The following ASTN2 variants were observed in gnomAD, a reference collection of about 807,000 sequenced individuals.
ASTN2 encodes astrotactin-2.
Under a neutral mutation model 139.8 loss-of-function variants are expected in ASTN2, and 54 were observed. That is an observed-to-expected ratio of 0.39 (90% CI 0.31 to 0.48). ASTN2 has a LOEUF of 0.48. ASTN2 is among the 20% of genes least tolerant of loss of function. The pLI, the probability that ASTN2 is intolerant of heterozygous loss-of-function variation, is 0.95. For synonymous variants in ASTN2, 756 were observed against 719.5 expected (o/e 1.05, Z -0.81); for missense variants, 1,565 against 1,725.1 (o/e 0.91, Z 1.64).
chr9:117,015,883 C>G (rs1837659163), intron 6 of ASTN2, among the ~76,000 whole-genome samples: 1 of 152,032 alleles, frequency 6.6e-6, no homozygotes, highest in East Asian at 1.9e-4. Context: ...TCTAATTTTA[C>G]AGACTATCAG....
intron 6 of ASTN2, among the ~76,000 whole-genome samples, chr9:117,010,259 C>G (rs1023377016): frequency 1.3e-5 from 2 of 152,056 alleles, no homozygotes; most frequent in African/African-American, 4.8e-5. Context: ...ATATTTCCCC[C>G]CTGGAAATAA....
intron 22 of ASTN2, among the ~76,000 whole-genome samples, chr9:116,429,841 C>G (rs1241245951): frequency 6.6e-6 from 1 of 152,154 alleles, no homozygotes; most frequent in African/African-American, 2.4e-5. Flanking sequence ...AAGATGGACA[C>G]CAGTCATCAG....
chr9:116,683,028 AT>A (rs369220393), intron 16 of ASTN2, among the ~76,000 whole-genome samples: 4 of 11,512 alleles, frequency 3.5e-4, no homozygotes, highest in East Asian at 2.9e-3. Flanking sequence ...AAGTATAATA[AT>A]AATAAAATAA....
intron 3 of ASTN2, among the ~76,000 whole-genome samples, chr9:117,178,664 G>A (rs905280588): frequency 6.6e-6 from 1 of 152,188 alleles, no homozygotes; most frequent in Admixed American, 6.5e-5. Context: ...TGGAATTCTG[G>A]CCTGCCTATC....
chr9:117,076,259 T>C (rs1486402588), intron 5 of ASTN2, among the ~76,000 whole-genome samples: 3 of 152,116 alleles, frequency 2.0e-5, no homozygotes, highest in South Asian at 2.1e-4. Flanking sequence ...GAACAAGATG[T>C]CACTGTTGAG....
chr9:116,608,276 CTGAT>C (rs1855318118), intron 19 of ASTN2, among the ~76,000 whole-genome samples: 1 of 152,132 alleles, frequency 6.6e-6, no homozygotes, highest in South Asian at 2.1e-4. Context: ...CATCAGAGTA[CTGAT>C]TGATGTATGT....
At chr9:116,757,650 A>G (rs1300386640) in intron 13 of ASTN2, among the ~76,000 whole-genome samples, 3 of 152,134 alleles carry the variant, frequency 2.0e-5, no homozygotes, top group African/African-American at 4.8e-5. Flanking sequence ...TGTAGGGCTC[A>G]TCGTCTTATT....
At chr9:116,610,061 A>T (rs924912923) in intron 19 of ASTN2, among the ~76,000 whole-genome samples, 4 of 152,164 alleles carry the variant, frequency 2.6e-5, no homozygotes, top group Non-Finnish European at 4.4e-5. Context: ...GATAATATTT[A>T]AAAAAAGAAA....
At chr9:116,533,313 C>A (rs1851448859) in intron 19 of ASTN2, among the ~76,000 whole-genome samples, 1 of 152,162 alleles carries the variant, frequency 6.6e-6, no homozygotes, top group Admixed American at 6.5e-5. Flanking sequence ...CAAACAGGGA[C>A]AATTTGACTT....
chr9:116,468,882 G>A (rs1488092167), intron 20 of ASTN2, among the ~76,000 whole-genome samples: 3 of 152,144 alleles, frequency 2.0e-5, no homozygotes, highest in Non-Finnish European at 4.4e-5. Flanking sequence ...ATGTTGCCTT[G>A]CTTCTCAGTA....
At chr9:117,141,508 G>A (rs375780288) in intron 3 of ASTN2, 30 bp from the exon 4 acceptor site, 84 of 1,358,138 alleles carry the variant, frequency 6.2e-5, no homozygotes, top group Non-Finnish European at 8.1e-5. Context: ...CTGAGGTTAG[G>A]GCTTGAGCCC....
chr9:117,259,783 G>A (rs919862236), intron 2 of ASTN2, among the ~76,000 whole-genome samples: 1 of 152,040 alleles, frequency 6.6e-6, no homozygotes. Context: ...TGACCACTTC[G>A]GACACCTGTT....
Position 117,193,425 on chromosome 9 carries a change from G to A in ASTN2, c.1015+20933C>T, listed in dbSNP as rs180965680. Among the ~76,000 whole-genome samples, 39 of 152,090 alleles carry A rather than the reference G, an allele frequency of 2.6e-4. No individual in the cohort carries two copies. The East Asian group carries it at 6.2e-3, about 24-fold the overall frequency. ...GAGGCTGAGGTGGTTGGATCATGAG[G>A]TGAGGAGATCGAGACCATCCTGGCC... On this transcript the variant is annotated intron_variant, in intron 3 of 22. Transcript: ENST00000313400.
At chr9:116,545,171 T>TG in intron 19 of ASTN2, among the ~76,000 whole-genome samples, 1 of 152,200 alleles carries the variant, frequency 6.6e-6, no homozygotes, top group Non-Finnish European at 1.5e-5. Flanking sequence ...AGACTTGGCA[T>TG]GGGGGTCCGC....
rs760878265 is a variant in ASTN2, at chr9:116,618,467, C to T, written c.3212G>A (p.Arg1071Gln). The change falls in exon 19 of 23, where the codon CGG becomes CAG. Residue 1071 changes from arginine to glutamine, a missense_variant. Arg to Gln is a conservative substitution (Grantham distance 43). Around this residue, in one of 4 missense-constraint regions of ASTN2, gnomAD observed 418 missense variants for 465.8 expected, o/e 0.90. Coordinates refer to ENST00000313400, the MANE Select transcript of ASTN2 (RefSeq NM_001365068.1). ...GGAGGGCTCCACTGTTGGGGACAGCCGCAGCCTACAGGGAATAAAAAGGAA... is the reference window on the plus strand; with the variant it reads ...GGAGGGCTCCACTGTTGGGGACAGCTGCAGCCTACAGGGAATAAAAAGGAA... The part of the protein sequence containing the change: ...NCSPLLQPVL[R>Q]LSPTVEPSST... 17 of 1,610,984 alleles carry T rather than the reference C, an allele frequency of 1.1e-5. No individual in the cohort carries two copies. The highest frequency in any genetic ancestry group is 1.7e-4 in the Middle Eastern group (1 of 6,056).
chr9:116,965,423 C>T (rs944660439), intron 10 of ASTN2, among the ~76,000 whole-genome samples: 15 of 152,026 alleles, frequency 9.9e-5, no homozygotes, highest in African/African-American at 2.4e-4. Flanking sequence ...TAGGATTTTT[C>T]GAAAGGAGAC....
At chr9:117,286,154 T>C (rs1834444314) in intron 2 of ASTN2, among the ~76,000 whole-genome samples, 1 of 152,150 alleles carries the variant, frequency 6.6e-6, no homozygotes, top group African/African-American at 2.4e-5. Flanking sequence ...AAGTGATAAC[T>C]ATTTTTGTTG....
intron 1 of ASTN2, among the ~76,000 whole-genome samples, chr9:117,371,915 C>T (rs995829175): frequency 5.3e-5 from 8 of 152,104 alleles, no homozygotes; most frequent in Non-Finnish European, 1.0e-4. Flanking sequence ...CTCCTACACC[C>T]AGGCAGGGCT....
intron 1 of ASTN2, among the ~76,000 whole-genome samples, chr9:117,299,974 G>A (rs886242586): frequency 2.6e-5 from 4 of 152,098 alleles, no homozygotes; most frequent in African/African-American, 4.8e-5. Flanking sequence ...TGTAAAATGG[G>A]GGTCACAGTC....
Sources: gnomAD v4.1 joint callset for allele counts (sites outside exome capture counted in the v4.1 genomes callset) on GRCh38, gnomAD v4.1.1 for gene constraint, gnomAD v4.1.1 regional missense constraint, MANE v1.5 for transcripts, NCBI Gene and HGNC (gene_info 2026-07-23, HGNC 2026-07-21) for gene names.